Variants in ARHGAP8 observed in about 807,000 individuals in gnomAD.
ARHGAP8 encodes the protein rho GTPase-activating protein 8.
Under a neutral mutation model 46.1 loss-of-function variants are expected in ARHGAP8, and 62 were observed. The ratio of observed to expected loss-of-function variants is 1.34; its 90% CI spans 1.10 to 1.66. The LOEUF (loss-of-function observed/expected upper bound fraction) is 1.66, where lower values mean the gene tolerates loss of function less well. Ranked by LOEUF, ARHGAP8 falls within the 40% of genes most tolerant of loss-of-function variation. The pLI is 0.00. For missense variants in ARHGAP8, 923 were observed against 568.4 expected (o/e 1.62, Z -6.34); for synonymous variants, 375 against 243.1 (o/e 1.54, Z -5.05).
intron 1 of ARHGAP8, among the ~76,000 whole-genome samples, chr22:44,783,728 G>A (rs910430791): frequency 2.6e-5 from 4 of 152,212 alleles, no homozygotes; most frequent in South Asian, 2.1e-4. Context: ...CGACCTGTCC[G>A]AAAGGTGTTT....
At chr22:44,861,591 A>C (rs1359561508) in intron 11 of ARHGAP8, among the ~76,000 whole-genome samples, 2 of 151,802 alleles carry the variant, frequency 1.3e-5, no homozygotes, top group Non-Finnish European at 2.9e-5. Flanking sequence ...CCGCCTCATG[A>C]CCCCTGTTTC....
intron 1 of ARHGAP8, among the ~76,000 whole-genome samples, chr22:44,775,889 C>T (rs987146916): frequency 6.6e-6 from 1 of 152,164 alleles, no homozygotes; most frequent in African/African-American, 2.4e-5. Flanking sequence ...TAGAAGGACT[C>T]CTTCAGTCAC....
chr22:44,792,986 G>C (rs2147062082), intron 2 of ARHGAP8, among the ~76,000 whole-genome samples: 1 of 152,102 alleles, frequency 6.6e-6, no homozygotes, highest in Admixed American at 6.6e-5. Flanking sequence ...ACCATGCCCA[G>C]CTAATTTTTG....
intron 1 of ARHGAP8, among the ~76,000 whole-genome samples, chr22:44,771,189 C>G (rs1278334772): frequency 6.7e-6 from 1 of 149,486 alleles, no homozygotes; most frequent in African/African-American, 2.5e-5. Context: ...CTGGTAGTTC[C>G]TTTGTAGATT....
At chr22:44,830,321 G>A (rs925820954) in intron 7 of ARHGAP8, among the ~76,000 whole-genome samples, 1 of 151,348 alleles carries the variant, frequency 6.6e-6, no homozygotes, top group Admixed American at 6.6e-5. Flanking sequence ...ACTGCACCCG[G>A]CTGTTACTGT....
rs149144542 is a variant in ARHGAP8 at position 44,845,987 on chromosome 22, G to A, written c.670+645G>A. Among the ~76,000 whole-genome samples, 490 of 150,046 alleles carry A rather than the reference G, an allele frequency of 3.3e-3. 6 individuals carry two copies. Among genetic ancestry groups the A allele is most frequent in the African/African-American group, 0.01 (415 of 40,498 alleles). ...AGCCTGGGTGCTGCAGCGCAGATGC[G>A]TGGGTGTCAGACAAGAAGTGAGTGC... is the stretch of plus-strand genomic sequence containing the variant. On this transcript the variant is annotated intron_variant, in intron 8 of 11. Coordinates refer to ENST00000356099, the MANE Select transcript of ARHGAP8 (RefSeq NM_181335.3).
chr22:44,861,640 C>T (rs2070490622), intron 11 of ARHGAP8, among the ~76,000 whole-genome samples: 1 of 152,128 alleles, frequency 6.6e-6, no homozygotes, highest in Admixed American at 6.5e-5. Context: ...TGTAGGGAGG[C>T]AAGGAGCAGA....
chr22:44,844,279 A>G (rs772004841), intron 7 of ARHGAP8, among the ~76,000 whole-genome samples: 1 of 152,084 alleles, frequency 6.6e-6, no homozygotes, highest in Non-Finnish European at 1.5e-5. Context: ...CACATCTAAT[A>G]TATTAATAGA....
intron 5 of ARHGAP8, among the ~76,000 whole-genome samples, chr22:44,815,775 G>T (rs78179839): frequency 0.041 from 6,309 of 152,186 alleles, 159 homozygotes; most frequent in African/African-American, 0.056. Context: ...TGCCTGGGTC[G>T]CATGGGCATC....
chr22:44,796,579 A>T (rs998763104), intron 2 of ARHGAP8, among the ~76,000 whole-genome samples: 3 of 137,008 alleles, frequency 2.2e-5, no homozygotes, highest in African/African-American at 9.2e-5. Flanking sequence ...TGAAGCTTCA[A>T]TGGGGGCCCT....
chr22:44,814,189 TG>T (rs1397650275), intron 4 of ARHGAP8, among the ~76,000 whole-genome samples: 1 of 152,220 alleles, frequency 6.6e-6, no homozygotes, highest in African/African-American at 2.4e-5. Flanking sequence ...TTCCAATGTG[TG>T]GGTGGCTGTA....
chr22:44,777,998 TTTTATTTATTTATTTATTTATTTA>T lies in ARHGAP8; in HGVS notation c.-71-8435_-71-8412del, dbSNP rs59802896. Among the ~76,000 whole-genome samples the T allele has an allele frequency of 5.7e-4, 82 of 143,694 alleles. 1 individual carries two copies. The highest frequency in any genetic ancestry group is 1.0e-3 in the African/African-American group (40 of 39,010). The allele number at this position is 143,694 out of a possible 152,430, so 94.3% of individuals were successfully genotyped here. On this transcript the variant is annotated intron_variant, in intron 1 of 11. Coordinates refer to ENST00000356099, the MANE Select transcript of ARHGAP8 (RefSeq NM_181335.3). Reference sequence around the variant, plus strand: ...GGCATGAGCCACTGTGCCTGGACTATTTTATTTATTTATTTATTTATTTATTTATTTATTTATTTATTTATTTCC... The same window carrying T: ...GGCATGAGCCACTGTGCCTGGACTATTTTATTTATTTATTTATTTATTTCC...
At chr22:44,766,588 GTC>G (rs1384746156) in intron 1 of ARHGAP8, among the ~76,000 whole-genome samples, 1 of 152,168 alleles carries the variant, frequency 6.6e-6, no homozygotes, top group Non-Finnish European at 1.5e-5. Flanking sequence ...GTGCATGTGT[GTC>G]TCTGTGTGTA....
intron 1 of ARHGAP8, among the ~76,000 whole-genome samples, chr22:44,756,912 A>G (rs1421916247): frequency 6.6e-6 from 1 of 151,944 alleles, no homozygotes; most frequent in Non-Finnish European, 1.5e-5. Flanking sequence ...TAAAACGATT[A>G]GCAACAATTT....
intron 1 of ARHGAP8, among the ~76,000 whole-genome samples, chr22:44,779,288 A>T (rs1926657803): frequency 1.3e-5 from 2 of 151,804 alleles, no homozygotes; most frequent in South Asian, 2.1e-4. Context: ...TTTAGTAGAG[A>T]TGGGGTTTCA....
At chr22:44,809,022 A>G (rs539037467) in intron 4 of ARHGAP8, 43 of 448,266 alleles carry the variant, frequency 9.6e-5, no homozygotes, top group South Asian at 3.5e-4. Context: ...GGATCTCACT[A>G]TGTGGCCCAG....
intron 11 of ARHGAP8, 79 bp from the exon 12 acceptor site, chr22:44,862,196 C>G (rs1037275437): frequency 2.1e-5 from 32 of 1,512,854 alleles, no homozygotes; most frequent in Non-Finnish European, 2.7e-5. Context: ...CTACGCCTCT[C>G]CCTAAGTTCG....
In ARHGAP8 at chr22:44,774,873, C is replaced by T. The variant is rs369901413; in HGVS notation, c.-71-11584C>T. Among the ~76,000 whole-genome samples the T allele has an allele frequency of 2.7e-3, 408 of 152,108 alleles. 1 individual carries two copies. Among genetic ancestry groups the T allele is most frequent in the Middle Eastern group, 6.8e-3 (2 of 294 alleles). The stretch of plus-strand genomic sequence containing the variant: ...GCGGATGGAGTCTCACTCTGTCACC[C>T]GGGCTGGAGTGCAGTGGAGCAATCG... On this transcript the variant is annotated intron_variant, in intron 1 of 11. Coordinates refer to ENST00000356099, the MANE Select transcript of ARHGAP8 (RefSeq NM_181335.3).
chr22:44,846,460 C>T (rs1395508625), intron 8 of ARHGAP8, among the ~76,000 whole-genome samples: 1 of 152,150 alleles, frequency 6.6e-6, no homozygotes, highest in Non-Finnish European at 1.5e-5. Flanking sequence ...ATGTGCTGGG[C>T]GGGGGCCTGG....
Sources: allele counts gnomAD v4.1 joint callset (sites outside exome capture counted in the v4.1 genomes callset), GRCh38; gene constraint gnomAD v4.1.1; transcripts MANE v1.5; gene names NCBI Gene and HGNC (gene_info 2026-07-23, HGNC 2026-07-21).